GLIS3: variants seen among roughly 807,000 people sequenced by gnomAD.
The protein encoded by GLIS3 is zinc finger protein GLIS3.
In GLIS3, 53 loss-of-function variants were observed where a neutral mutation model predicts 78.6. The ratio of observed to expected loss-of-function variants is 0.67; its 90% confidence interval spans 0.54 to 0.85. The LOEUF (loss-of-function observed/expected upper bound fraction) is 0.85. Among genes scored for constraint, GLIS3 ranks in the 40% least tolerant of loss-of-function variants. The pLI is 0.00. For synonymous variants in GLIS3, 684 were observed against 509.9 expected (o/e 1.34, Z -4.60); for missense variants, 1,703 against 1,231.1 (o/e 1.38, Z -5.74).
chr9:4,258,772 T>A (rs191490803), intron 2 of GLIS3, among the ~76,000 whole-genome samples: 17 of 152,290 alleles, frequency 1.1e-4, no homozygotes, highest in Non-Finnish European at 2.1e-4. Context: ...TCAATGTAAA[T>A]ATATTTAATA....
intron 2 of GLIS3, among the ~76,000 whole-genome samples, chr9:4,169,342 G>A (rs949982323): frequency 2.0e-5 from 3 of 152,166 alleles, no homozygotes; most frequent in South Asian, 2.1e-4. Flanking sequence ...AGAAGTATAC[G>A]AAGGCTTTCA....
chr9:4,162,551 A>G (rs1000116869), intron 2 of GLIS3, among the ~76,000 whole-genome samples: 1 of 152,208 alleles, frequency 6.6e-6, no homozygotes, highest in Non-Finnish European at 1.5e-5. Flanking sequence ...TCAGAATGGA[A>G]GATTCTCATC....
At chr9:4,418,600 G>A in the GLIS3 span, among the ~76,000 whole-genome samples, 3 of 152,232 alleles carry the variant, frequency 2.0e-5, no homozygotes, top group East Asian at 5.8e-4. Flanking sequence ...TCAGGAGGCT[G>A]AGGCAGGAGA....
At chr9:4,092,930 C>A (rs1407530077) in intron 4 of GLIS3, among the ~76,000 whole-genome samples, 1 of 152,134 alleles carries the variant, frequency 6.6e-6, no homozygotes, top group East Asian at 1.9e-4. Context: ...TTTGTTCACA[C>A]CAGAATCACC....
chr9:4,008,799 C>A (rs1415411022), intron 4 of GLIS3, among the ~76,000 whole-genome samples: 1 of 152,176 alleles, frequency 6.6e-6, no homozygotes, highest in Non-Finnish European at 1.5e-5. Flanking sequence ...TTGAAAGAAA[C>A]TTTAGAGATG....
At chr9:4,246,472 G>A (rs967103362) in intron 2 of GLIS3, among the ~76,000 whole-genome samples, 12 of 152,232 alleles carry the variant, frequency 7.9e-5, no homozygotes, top group Admixed American at 2.6e-4. Flanking sequence ...GGTCTTATAC[G>A]GCTACCATTT....
chr9:4,368,072 T>G, the GLIS3 span, among the ~76,000 whole-genome samples: 1 of 152,230 alleles, frequency 6.6e-6, no homozygotes, highest in East Asian at 1.9e-4. Context: ...AGTCAATTCT[T>G]GCTTATTCAT....
At chr9:4,146,580 T>C (rs578059565) in intron 2 of GLIS3, among the ~76,000 whole-genome samples, 4 of 152,246 alleles carry the variant, frequency 2.6e-5, no homozygotes, top group African/African-American at 7.2e-5. Flanking sequence ...ATACATAAGA[T>C]TGAAAAGAAT....
chr9:4,270,046 C>T (rs1160689643), intron 2 of GLIS3, among the ~76,000 whole-genome samples: 5 of 152,226 alleles, frequency 3.3e-5, no homozygotes, highest in South Asian at 2.1e-4. Flanking sequence ...GTAAGACAGA[C>T]GTGCATTCCC....
chr9:3,835,372 G>C (rs916750839), intron 9 of GLIS3, among the ~76,000 whole-genome samples: 1 of 152,192 alleles, frequency 6.6e-6, no homozygotes, highest in Non-Finnish European at 1.5e-5. Flanking sequence ...TCCCCCTCCA[G>C]AGTGTGACCT....
At chr9:4,055,695 T>C (rs1020972136) in intron 4 of GLIS3, among the ~76,000 whole-genome samples, 1 of 152,162 alleles carries the variant, frequency 6.6e-6, no homozygotes, top group Non-Finnish European at 1.5e-5. Context: ...CAGGCTTCTG[T>C]GATCAGGTCC....
At chr9:4,424,784 G>C in the GLIS3 span, among the ~76,000 whole-genome samples, 3 of 151,870 alleles carry the variant, frequency 2.0e-5, no homozygotes, top group African/African-American at 7.3e-5. Flanking sequence ...TGCCCAGGCT[G>C]GTCTTAAACT....
intron 2 of GLIS3, among the ~76,000 whole-genome samples, chr9:4,332,119 T>C (rs1335010022): frequency 6.6e-6 from 1 of 152,178 alleles, no homozygotes; most frequent in Non-Finnish European, 1.5e-5. Context: ...TCACTAACTA[T>C]TCTGGTTGAA....
chr9:3,892,426 G>A (rs1397182122), intron 7 of GLIS3, among the ~76,000 whole-genome samples: 1 of 152,174 alleles, frequency 6.6e-6, no homozygotes, highest in Non-Finnish European at 1.5e-5. Context: ...GAGGAAGACA[G>A]CATAAAAGCC....
chr9:4,022,485 G>C (rs1285801850), intron 4 of GLIS3, among the ~76,000 whole-genome samples: 1 of 152,088 alleles, frequency 6.6e-6, no homozygotes, highest in African/African-American at 2.4e-5. Context: ...TGCACTGCTT[G>C]GTGGCTGGAT....
the GLIS3 span, among the ~76,000 whole-genome samples, chr9:4,452,631 C>G: frequency 1.3e-5 from 2 of 152,204 alleles, no homozygotes; most frequent in East Asian, 3.9e-4. Context: ...AGGAACTCTT[C>G]AAAGAGAACT....
chr9:4,044,787 C>G (rs1413330729), intron 4 of GLIS3, among the ~76,000 whole-genome samples: 1 of 152,182 alleles, frequency 6.6e-6, no homozygotes, highest in Non-Finnish European at 1.5e-5. Context: ...AAACCTGGGA[C>G]TAACACAGAC....
chr9:4,141,704 G>C (rs1405437427), intron 2 of GLIS3, among the ~76,000 whole-genome samples: 1 of 152,170 alleles, frequency 6.6e-6, no homozygotes, highest in Non-Finnish European at 1.5e-5. Flanking sequence ...CTACAGATTT[G>C]CTGAAAATTG....
chr9:4,467,742 G>A, the GLIS3 span, among the ~76,000 whole-genome samples: 7 of 152,194 alleles, frequency 4.6e-5, no homozygotes, highest in African/African-American at 1.7e-4. Flanking sequence ...CCCAAAGGAA[G>A]ACAGCTCCTC....
Sources: gnomAD v4.1 joint callset for allele counts (sites outside exome capture counted in the v4.1 genomes callset) on GRCh38, gnomAD v4.1.1 for gene constraint, MANE v1.5 for transcripts, NCBI Gene and HGNC (gene_info 2026-07-23, HGNC 2026-07-21) for gene names.